The following CLVS1 variants were observed in gnomAD, a reference collection of about 807,000 sequenced individuals.
The protein encoded by CLVS1 is clavesin-1.
Under a neutral mutation model 33.1 loss-of-function variants are expected in CLVS1, and 10 were observed. The observed-to-expected ratio is 0.30, with a 90% confidence interval of 0.19 to 0.51. The LOEUF is 0.51. Among genes scored for constraint, CLVS1 ranks in the 20% least tolerant of loss-of-function variants. The pLI is 0.97. For missense variants in CLVS1, 343 were observed against 433.4 expected (o/e 0.79, Z 1.85); for synonymous variants, 163 against 166.1 (o/e 0.98, Z 0.14).
chr8:61,001,007 C>G, the CLVS1 span, among the ~76,000 whole-genome samples: 1 of 152,166 alleles, frequency 6.6e-6, no homozygotes, highest in Non-Finnish European at 1.5e-5. Flanking sequence ...TCTGTAGTCT[C>G]CCCAACTTGC....
chr8:61,123,953 C>G (rs1057351211), intron 1 of CLVS1, among the ~76,000 whole-genome samples: 15 of 152,116 alleles, frequency 9.9e-5, no homozygotes, highest in East Asian at 5.8e-4. Context: ...AGAAGCAAGA[C>G]AGGACTTCAG....
chr8:61,347,814 T>A, intron 2 of CLVS1, among the ~76,000 whole-genome samples: 1 of 151,202 alleles, frequency 6.6e-6, no homozygotes, highest in African/African-American at 2.4e-5. Flanking sequence ...CTGAATCATA[T>A]GATAGTTCTA....
intron 2 of CLVS1, among the ~76,000 whole-genome samples, chr8:61,218,437 G>A (rs1808137632): frequency 6.6e-6 from 1 of 151,740 alleles, no homozygotes; most frequent in Non-Finnish European, 1.5e-5. Flanking sequence ...ACTTATACGT[G>A]GAAGCAAAAA....
At chr8:61,028,627 T>C in the CLVS1 span, among the ~76,000 whole-genome samples, 3 of 152,292 alleles carry the variant, frequency 2.0e-5, no homozygotes, top group South Asian at 6.2e-4. Flanking sequence ...AAGGGCCATG[T>C]TGGCTGTGCT....
intron 3 of CLVS1, among the ~76,000 whole-genome samples, chr8:61,407,723 C>A (rs1815045419): frequency 6.6e-6 from 1 of 152,220 alleles, no homozygotes; most frequent in African/African-American, 2.4e-5. Context: ...CATATTGAAG[C>A]TTTTAAACAA....
chr8:61,218,484 T>G (rs1808138521), intron 2 of CLVS1, among the ~76,000 whole-genome samples: 2 of 151,980 alleles, frequency 1.3e-5, no homozygotes, highest in African/African-American at 4.8e-5. Context: ...TAGAACAGAA[T>G]ATACTAGAGG....
At chr8:61,179,990 A>C (rs565687645) in intron 2 of CLVS1, among the ~76,000 whole-genome samples, 2 of 152,334 alleles carry the variant, frequency 1.3e-5, no homozygotes, top group Non-Finnish European at 2.9e-5. Context: ...AACTAAGATC[A>C]AAGCAGTCCT....
intron 2 of CLVS1, among the ~76,000 whole-genome samples, chr8:61,173,982 T>C (rs939211316): frequency 6.6e-6 from 1 of 152,204 alleles, no homozygotes; most frequent in African/African-American, 2.4e-5. Context: ...AGAGTGCTGA[T>C]TGGCAGTTTC....
chr8:61,329,578 G>C (rs1811516627), intron 2 of CLVS1, among the ~76,000 whole-genome samples: 1 of 152,112 alleles, frequency 6.6e-6, no homozygotes, highest in Admixed American at 6.5e-5. Context: ...CAATTACCTT[G>C]ATTTTATTAT....
In CLVS1 at chr8:61,357,923, C is replaced by A. The variant is rs572676329; in HGVS notation, c.456-18682C>A. Among the ~76,000 whole-genome samples the A allele has an allele frequency of 3.3e-5, 5 of 152,236 alleles. No individual in the cohort carries two copies. In the South Asian group the frequency reaches 8.3e-4, roughly 25 times the overall value. ...CTGCTGTCTGACCGGGATTGATGAT[C>A]TTTCAGATCCCTTCCCACTGTGATA... On this transcript the variant is annotated intron_variant, in intron 2 of 5. Coordinates refer to ENST00000325897, the MANE Select transcript of CLVS1 (RefSeq NM_173519.3).
chr8:61,112,383 G>A (rs548791781), intron 1 of CLVS1, among the ~76,000 whole-genome samples: 3 of 152,262 alleles, frequency 2.0e-5, no homozygotes, highest in Admixed American at 1.3e-4. Context: ...TACTGTAGAT[G>A]AGGCCATTTC....
chr8:60,980,416 T>A, the CLVS1 span, among the ~76,000 whole-genome samples: 4 of 152,198 alleles, frequency 2.6e-5, no homozygotes, highest in Non-Finnish European at 5.9e-5. Context: ...GAATTAAGCA[T>A]AGAAACGGTA....
chr8:61,279,346 C>T lies in CLVS1; in HGVS notation c.-151-20331C>T, dbSNP rs371021549. Among the ~76,000 whole-genome samples the T allele has an allele frequency of 2.6e-5, 4 of 152,286 alleles. No homozygotes were observed. The South Asian group carries it at 8.3e-4, about 32-fold the overall frequency. On this transcript the variant is annotated intron_variant, in intron 2 of 2. Transcript: ENST00000522621. ...CCAAGTCTTCATGAAAGAACTCTGCCCCTCTCTGCCTCTTGCTTTATATTT... is the reference window on the plus strand; with the variant it reads ...CCAAGTCTTCATGAAAGAACTCTGCTCCTCTCTGCCTCTTGCTTTATATTT...
At chr8:61,398,249 A>G (rs1042829660) in intron 3 of CLVS1, among the ~76,000 whole-genome samples, 8 of 145,440 alleles carry the variant, frequency 5.5e-5, no homozygotes, top group African/African-American at 1.5e-4. Context: ...TGGTGTGATC[A>G]TGGCTCACTG....
chr8:61,241,859 C>G (rs1808704165), intron 2 of CLVS1, among the ~76,000 whole-genome samples: 1 of 152,120 alleles, frequency 6.6e-6, no homozygotes, highest in Non-Finnish European at 1.5e-5. Context: ...CTGGTGATGA[C>G]TCCTTTTAGT....
chr8:61,015,073 T>C, the CLVS1 span, among the ~76,000 whole-genome samples: 1 of 152,216 alleles, frequency 6.6e-6, no homozygotes, highest in Non-Finnish European at 1.5e-5. Context: ...CCCAAGGTCT[T>C]TTTGGTCCCA....
chr8:61,197,259 A>G (rs1195183230), intron 2 of CLVS1, among the ~76,000 whole-genome samples: 1 of 152,138 alleles, frequency 6.6e-6, no homozygotes, highest in East Asian at 1.9e-4. Flanking sequence ...CAGTTTTCCC[A>G]GCACCATGTA....
chr8:60,966,053 C>A, the CLVS1 span: 1 of 188,002 alleles, frequency 5.3e-6, no homozygotes, highest in South Asian at 9.1e-5. Context: ...CTCAGGTGAT[C>A]CGCCTGCCTC....
the CLVS1 span, among the ~76,000 whole-genome samples, chr8:60,986,385 A>G: frequency 1.3e-5 from 2 of 152,272 alleles, no homozygotes; most frequent in Non-Finnish European, 2.9e-5. Flanking sequence ...AAACAGAAAC[A>G]GAGGCAGGAA....
Sources: allele counts gnomAD v4.1 joint callset (sites outside exome capture counted in the v4.1 genomes callset), GRCh38; gene constraint gnomAD v4.1.1; transcripts MANE v1.5; gene names NCBI Gene and HGNC (gene_info 2026-07-23, HGNC 2026-07-21).